Variants in PHACTR3 observed in about 807,000 individuals in gnomAD.
The protein encoded by PHACTR3 is phosphatase and actin regulator 3, also known as protein phosphatase 1, regulatory subunit 123.
Under a neutral mutation model 66.8 loss-of-function variants are expected in PHACTR3, and 16 were observed. That is an observed-to-expected ratio of 0.24 (90% CI 0.16 to 0.36). PHACTR3 has a LOEUF of 0.36. PHACTR3 is among the 10% of genes least tolerant of loss of function. PHACTR3 has a pLI of 1.00. For missense variants in PHACTR3, 647 were observed against 719.9 expected (o/e 0.90, Z 1.16); for synonymous variants, 323 against 292.1 (o/e 1.11, Z -1.08).
At chr20:59,813,074 T>A (rs2041785353) in intron 8 of PHACTR3, among the ~76,000 whole-genome samples, 1 of 152,100 alleles carries the variant, frequency 6.6e-6, no homozygotes, top group Admixed American at 6.5e-5. Context: ...CCGGTGAATG[T>A]TTGTGTTAAT....
At chr20:59,671,004 C>T (rs2036177217) in intron 1 of PHACTR3, among the ~76,000 whole-genome samples, 1 of 152,214 alleles carries the variant, frequency 6.6e-6, no homozygotes, top group Admixed American at 6.5e-5. Flanking sequence ...GCTTTCTCAG[C>T]AACCTTGTGA....
intron 11 of PHACTR3, chr20:59,844,092 C>T (rs1568880157): frequency 6.6e-6 from 1 of 151,954 alleles, no homozygotes; most frequent in African/African-American, 2.4e-5. Flanking sequence ...CATTAATCAA[C>T]AGGGAAATGC....
At chr20:59,689,042 T>C (rs1157428931) in intron 1 of PHACTR3, among the ~76,000 whole-genome samples, 1 of 152,146 alleles carries the variant, frequency 6.6e-6, no homozygotes, top group African/African-American at 2.4e-5. Context: ...GGTGCCTGGC[T>C]TCATTCTTTC....
intron 1 of PHACTR3, chr20:59,721,102 CCA>C (rs2146678509): frequency 6.6e-6 from 1 of 152,348 alleles, no homozygotes; most frequent in East Asian, 1.9e-4. Flanking sequence ...ATTCTTACAG[CCA>C]CTATTTGTGG....
At chr20:59,749,101 A>T (rs2039481909) in intron 3 of PHACTR3, among the ~76,000 whole-genome samples, 1 of 152,184 alleles carries the variant, frequency 6.6e-6, no homozygotes, top group South Asian at 2.1e-4. Flanking sequence ...CGTGGCACTC[A>T]GATGGTTAAC....
At chr20:59,577,606 A>T in exon 1 of PHACTR3, 2 of 1,209,000 alleles carry the variant, frequency 1.7e-6, no homozygotes, top group Non-Finnish European at 2.1e-6. Context: ...GCCGCCCGAG[A>T]TCCTGCGCAA....
At position 59,847,275 on chromosome 20, in the gene PHACTR3, T is replaced by C; in HGVS notation, c.*145T>C. 1.9e-6 allele frequency: 1 copy of C among 531,102 alleles called. No homozygotes were observed. The highest frequency in any genetic ancestry group is 2.8e-5 in the East Asian group (1 of 36,118). 32.9% of individuals were successfully genotyped at this position (531,102 alleles called of 1,614,324 possible). ...TAGGATCACACACACAGGTGCAATC[T>C]TGACCACACTTACCTGCAAGAGGAG... On this transcript the variant is annotated 3_prime_UTR_variant, in exon 13 of 13. Transcript: ENST00000371015.
At chr20:59,775,066 G>C (rs2040485348) in intron 7 of PHACTR3, among the ~76,000 whole-genome samples, 1 of 126,792 alleles carries the variant, frequency 7.9e-6, no homozygotes, top group Non-Finnish European at 1.8e-5. Context: ...CTCCGTATTT[G>C]TCCTCATGGT....
chr20:59,752,216 G>GTGTGCACCCACCTGTGCTTGCAC (rs1251276564), intron 3 of PHACTR3, among the ~76,000 whole-genome samples: 1 of 152,212 alleles, frequency 6.6e-6, no homozygotes, highest in African/African-American at 2.4e-5. Flanking sequence ...ACGTGCACCT[G>GTGTGCACCCACCTGTGCTTGCAC]TGTGCACCCA....
intron 1 of PHACTR3, among the ~76,000 whole-genome samples, chr20:59,688,990 T>C (rs1360075332): frequency 6.6e-6 from 1 of 152,180 alleles, no homozygotes; most frequent in East Asian, 1.9e-4. Flanking sequence ...AGAAACAACA[T>C]AGATTCCTCC....
intron 7 of PHACTR3, among the ~76,000 whole-genome samples, chr20:59,798,084 A>T (rs2041305405): frequency 6.6e-6 from 1 of 152,172 alleles, no homozygotes; most frequent in Non-Finnish European, 1.5e-5. Flanking sequence ...TATTTTTCCC[A>T]GTTCTGGAGG....
At chr20:59,604,458 C>G (rs2033585130), upstream of PHACTR3, 1 of 294,112 alleles carries the variant, frequency 3.4e-6, no homozygotes, top group Middle Eastern at 1.7e-3. Context: ...TCACGCCCCT[C>G]TCCCGTGACG....
At chr20:59,614,303 T>C (rs985856341) in intron 1 of PHACTR3, among the ~76,000 whole-genome samples, 7 of 152,244 alleles carry the variant, frequency 4.6e-5, no homozygotes, top group Admixed American at 4.6e-4. Flanking sequence ...CAGAGGCAGA[T>C]GTACTCTTTC....
intron 3 of PHACTR3, among the ~76,000 whole-genome samples, chr20:59,748,480 G>T (rs1054377234): frequency 2.0e-5 from 3 of 152,200 alleles, no homozygotes; most frequent in Non-Finnish European, 4.4e-5. Flanking sequence ...TCTCAGTGGG[G>T]TCTACATAAT....
In PHACTR3 at chr20:59,773,333, G is replaced by A. The variant is rs772446812; in HGVS notation, c.806G>A (p.Arg269Gln). ...SSMKSADPSL[R>Q]GQLSTPTGSP... ...ATGAAGAGTGCCGACCCTTCCCTCC[G>A]GGGCCAGCTCTCCACACCCACGGGG... is the stretch of plus-strand genomic sequence containing the variant. The change falls in exon 6 of 13, where the codon CGG (arginine) becomes CAG (glutamine). Residue 269 changes from arginine to glutamine, a missense_variant. By Grantham distance (43) the Arg-to-Gln change is conservative. Coordinates refer to ENST00000371015, the MANE Select transcript of PHACTR3 (RefSeq NM_080672.5). 6.2e-6 allele frequency: 10 copies of A among 1,614,014 alleles called. No homozygotes were observed. The highest frequency in any genetic ancestry group is 1.6e-4 in the Middle Eastern group (1 of 6,084).
intron 8 of PHACTR3, among the ~76,000 whole-genome samples, chr20:59,833,349 G>A (rs1164057612): frequency 6.6e-6 from 1 of 152,248 alleles, no homozygotes; most frequent in Non-Finnish European, 1.5e-5. Flanking sequence ...CTTTCCTGAG[G>A]TGTACCAGTT....
chr20:59,636,240 C>T (rs6128653), intron 1 of PHACTR3, among the ~76,000 whole-genome samples: 21,550 of 152,136 alleles, frequency 0.14, 1,657 homozygotes, highest in East Asian at 0.32. Flanking sequence ...TAAGCCAGTT[C>T]CTGAGTCTTT....
intron 7 of PHACTR3, among the ~76,000 whole-genome samples, chr20:59,788,018 G>A (rs1233720772): frequency 6.6e-6 from 1 of 152,148 alleles, no homozygotes; most frequent in African/African-American, 2.4e-5. Flanking sequence ...GCTTATGTGA[G>A]TAAGTTATTT....
intron 1 of PHACTR3, among the ~76,000 whole-genome samples, chr20:59,706,480 AGGT>A (rs2037704608): frequency 6.6e-6 from 1 of 152,174 alleles, no homozygotes; most frequent in African/African-American, 2.4e-5. Context: ...GACCCCATCT[AGGT>A]GGTTGGGCCT....
Sources: allele counts gnomAD v4.1 joint callset (sites outside exome capture counted in the v4.1 genomes callset), GRCh38; gene constraint gnomAD v4.1.1; transcripts MANE v1.5; gene names NCBI Gene and HGNC (gene_info 2026-07-23, HGNC 2026-07-21).